Variants in DIP2B observed in about 807,000 individuals in gnomAD.
The protein encoded by DIP2B is disco-interacting protein 2 homolog B.
Under a neutral mutation model 198.0 loss-of-function variants are expected in DIP2B, and 76 were observed. That is an observed-to-expected ratio of 0.38 (90% CI 0.32 to 0.46). The LOEUF (loss-of-function observed/expected upper bound fraction) is 0.46, where lower values mean the gene tolerates loss of function less well. Among genes scored for constraint, DIP2B ranks in the 20% least tolerant of loss-of-function variants. The probability of loss-of-function intolerance (pLI) is 0.99; values close to 1 mark genes in which losing one functional copy is unlikely to be tolerated. For missense variants in DIP2B, 1,559 were observed against 1,978.4 expected (o/e 0.79, Z 4.02); for synonymous variants, 701 against 739.1 (o/e 0.95, Z 0.84).
At chr12:50,678,927 T>A (rs762750064) in intron 8 of DIP2B, 51 bp downstream of exon 8, 2 of 1,598,360 alleles carry the variant, frequency 1.3e-6, no homozygotes, top group Non-Finnish European at 1.7e-6. Flanking sequence ...CTTCAGAATA[T>A]CATGGGTAGT....
chr12:50,699,509 A>G (rs1346160709), intron 19 of DIP2B, among the ~76,000 whole-genome samples: 2 of 152,164 alleles, frequency 1.3e-5, no homozygotes, highest in African/African-American at 4.8e-5. Flanking sequence ...CATCTGGCAT[A>G]TAGGAAGTGC....
intron 22 of DIP2B, among the ~76,000 whole-genome samples, chr12:50,710,536 G>C (rs1260639903): frequency 6.6e-6 from 1 of 151,890 alleles, no homozygotes; most frequent in African/African-American, 2.4e-5. Context: ...CGATTCTCCT[G>C]TCTCAGACTC....
rs74856057 is a variant in DIP2B at position 50,686,101 on chromosome 12, C to G, written c.1441+145C>G. 45 of 869,132 alleles carry G rather than the reference C, an allele frequency of 5.2e-5. No homozygotes were observed. The African/African-American group carries it at 7.1e-4, about 14-fold the overall frequency. The allele number at this position is 869,132 out of a possible 1,614,324, so 53.8% of individuals were successfully genotyped here. ...TATGAAGTAGGTACCATTATTATCCCCATTTTACAAGTGAGGAAACTGAGA... is the reference window on the plus strand; with the variant it reads ...TATGAAGTAGGTACCATTATTATCCGCATTTTACAAGTGAGGAAACTGAGA... On this transcript the variant is annotated intron_variant, in intron 11 of 37. Coordinates refer to ENST00000301180, the MANE Select transcript of DIP2B (RefSeq NM_173602.3).
rs528899874 is a variant in DIP2B at position 50,674,931 on chromosome 12, G to A, written c.796+302G>A. Among the ~76,000 whole-genome samples the A allele has an allele frequency of 9.2e-5, 14 of 152,278 alleles. No homozygotes were observed. In the South Asian group the frequency reaches 1.2e-3, roughly 14 times the overall value. ...TGTAATCCCAGCACTTTGGGAGGCC[G>A]CGGTGGGCAGATCATGAGGTCAGGA... On this transcript the variant is annotated intron_variant, in intron 6 of 37. Transcript: ENST00000301180.
chr12:50,675,740 T>C, intron 7 of DIP2B, among the ~76,000 whole-genome samples: 1 of 152,208 alleles, frequency 6.6e-6, no homozygotes, highest in Middle Eastern at 3.2e-3. Context: ...TACATGATTT[T>C]ACGAGTTATT....
chr12:50,567,764 A>G (rs1438914860), intron 1 of DIP2B, among the ~76,000 whole-genome samples: 1 of 152,106 alleles, frequency 6.6e-6, no homozygotes, highest in African/African-American at 2.4e-5. Context: ...CTGACCTCAG[A>G]TGATCTGCCC....
At chr12:50,706,398 C>A in intron 20 of DIP2B, 140 bp from the exon 21 acceptor site, 3 of 1,005,650 alleles carry the variant, frequency 3.0e-6, no homozygotes, top group Non-Finnish European at 4.3e-6. Flanking sequence ...ATGTGAAATG[C>A]TTTCTCTAGA....
chr12:50,629,966 T>TTTTA (rs772402864), intron 2 of DIP2B, among the ~76,000 whole-genome samples: 2 of 147,338 alleles, frequency 1.4e-5, no homozygotes, highest in African/African-American at 2.5e-5. Context: ...TTTTTTTTTT[T>TTTTA]AATGAGACAG....
intron 1 of DIP2B, among the ~76,000 whole-genome samples, chr12:50,620,314 C>T (rs970015631): frequency 2.6e-5 from 4 of 152,208 alleles, no homozygotes; most frequent in Admixed American, 2.6e-4. Flanking sequence ...GATTTGTGGG[C>T]CACTTGTGCC....
At chr12:50,519,293 G>T (rs1349530060) in intron 1 of DIP2B, among the ~76,000 whole-genome samples, 1 of 151,450 alleles carries the variant, frequency 6.6e-6, no homozygotes, top group African/African-American at 2.4e-5. Context: ...TAGAGATGGG[G>T]TCTCACTGTA....
At chr12:50,686,714 G>C (rs1186513347) in intron 12 of DIP2B, 32 bp downstream of exon 12, 1 of 1,590,692 alleles carries the variant, frequency 6.3e-7, no homozygotes, top group Non-Finnish European at 8.6e-7. Context: ...ATGCTTTCAG[G>C]CTTTTCCTTG....
Position 50,740,346 on chromosome 12 carries a change from G to A in DIP2B, c.4354+760G>A, listed in dbSNP as rs546896120. Among the ~76,000 whole-genome samples, 226 of 152,336 alleles carry A rather than the reference G, an allele frequency of 1.5e-3. 1 individual carries two copies. Among genetic ancestry groups the A allele is most frequent in the Middle Eastern group, 3.4e-3 (1 of 294 alleles). On this transcript the variant is annotated intron_variant, in intron 36 of 37. Coordinates refer to ENST00000301180, the MANE Select transcript of DIP2B (RefSeq NM_173602.3). The stretch of plus-strand genomic sequence containing the variant: ...GGTGGCATCCCTGCCTGGTGCCCTG[G>A]TTTTGCAGCCCACCTCTGCCACTTG...
chr12:50,541,711 T>C (rs993899926), intron 1 of DIP2B, among the ~76,000 whole-genome samples: 2 of 152,104 alleles, frequency 1.3e-5, no homozygotes, highest in African/African-American at 2.4e-5. Flanking sequence ...CTAGAAAATA[T>C]CATAAAGAGG....
At chr12:50,510,802 C>T (rs1266736367) in intron 1 of DIP2B, among the ~76,000 whole-genome samples, 2 of 151,688 alleles carry the variant, frequency 1.3e-5, no homozygotes, top group South Asian at 2.1e-4. Context: ...TGTGCCACCA[C>T]GCCTGGCTAA....
intron 1 of DIP2B, among the ~76,000 whole-genome samples, chr12:50,599,673 G>A (rs1024371478): frequency 2.6e-5 from 4 of 152,190 alleles, no homozygotes; most frequent in Non-Finnish European, 5.9e-5. Context: ...TGTTTCCCCT[G>A]AAGGGATGGT....
chr12:50,653,559 C>T (rs1450274885), intron 3 of DIP2B, among the ~76,000 whole-genome samples: 2 of 151,174 alleles, frequency 1.3e-5, no homozygotes, highest in East Asian at 2.0e-4. Flanking sequence ...CCAGGCTGGT[C>T]TCGACCTCCT....
chr12:50,712,251 C>G (rs895689118), intron 22 of DIP2B, among the ~76,000 whole-genome samples: 1 of 152,122 alleles, frequency 6.6e-6, no homozygotes, highest in African/African-American at 2.4e-5. Context: ...AAGATTGTAT[C>G]TCTTGTTCAA....
At chr12:50,630,409 T>G (rs1359715520) in intron 2 of DIP2B, among the ~76,000 whole-genome samples, 1 of 152,152 alleles carries the variant, frequency 6.6e-6, no homozygotes, top group African/African-American at 2.4e-5. Flanking sequence ...TTTGTCAGTT[T>G]TCCATGTAAT....
At chr12:50,743,939 T>C (rs1169554502) in intron 37 of DIP2B, among the ~76,000 whole-genome samples, 1 of 152,228 alleles carries the variant, frequency 6.6e-6, no homozygotes, top group Non-Finnish European at 1.5e-5. Flanking sequence ...GGATTCTCTC[T>C]GCTTCTCTGT....
Sources: allele counts gnomAD v4.1 joint callset (sites outside exome capture counted in the v4.1 genomes callset), GRCh38; gene constraint gnomAD v4.1.1; transcripts MANE v1.5; gene names NCBI Gene and HGNC (gene_info 2026-07-23, HGNC 2026-07-21).